Variants in SETBP1 observed in about 807,000 individuals in gnomAD.
SETBP1 encodes SET binding protein 1.
A neutral mutation model predicts 101.0 loss-of-function variants in SETBP1; 9 were observed. The ratio of observed to expected loss-of-function variants is 0.09; its 90% confidence interval spans 0.05 to 0.16. The LOEUF (loss-of-function observed/expected upper bound fraction) is 0.16, where lower values mean the gene tolerates loss of function less well. Ranked by LOEUF, SETBP1 falls within the 10% of genes least tolerant of loss-of-function variation. SETBP1 has a pLI of 1.00. For missense variants in SETBP1, 1,858 were observed against 2,033.8 expected (o/e 0.91, Z 1.66); for synonymous variants, 818 against 788.5 (o/e 1.04, Z -0.63).
At chr18:44,800,465 C>T (rs775335512) in intron 2 of SETBP1, among the ~76,000 whole-genome samples, 88 of 152,076 alleles carry the variant, frequency 5.8e-4, no homozygotes, top group Non-Finnish European at 1.2e-3. Flanking sequence ...AGCACGGATC[C>T]GACAATCAAA....
intron 4 of SETBP1, among the ~76,000 whole-genome samples, chr18:45,016,726 T>TGC (rs200216047): frequency 0.016 from 2,200 of 136,974 alleles, 74 homozygotes; most frequent in African/African-American, 0.052. Context: ...TACACATTGG[T>TGC]GCGCGCACAC....
At chr18:45,028,012 T>C (rs1286139581) in intron 4 of SETBP1, among the ~76,000 whole-genome samples, 1 of 152,032 alleles carries the variant, frequency 6.6e-6, no homozygotes, top group Admixed American at 6.6e-5. Context: ...TATTTTATTT[T>C]ATTTTATTAT....
At chr18:44,895,084 A>G (rs1163482697) in intron 3 of SETBP1, among the ~76,000 whole-genome samples, 2 of 147,330 alleles carry the variant, frequency 1.4e-5, no homozygotes, top group African/African-American at 2.5e-5. Context: ...ACTGCACTCC[A>G]GCCTGGGCAA....
chr18:44,893,986 T>G (rs2069832814), intron 3 of SETBP1, among the ~76,000 whole-genome samples: 1 of 152,110 alleles, frequency 6.6e-6, no homozygotes, highest in Non-Finnish European at 1.5e-5. Flanking sequence ...GACACTTTAG[T>G]TTTAAAACTC....
In SETBP1 at chr18:44,746,681, C is replaced by G. The variant is rs990803769; in HGVS notation, c.486+44849C>G. On this transcript the variant is annotated intron_variant, in intron 2 of 5. Transcript: ENST00000649279. ...TTGTGGATTAATGTATATTCTGACT[C>G]TTAACAATCAGGAACTATCAGTTTA... 3.9e-5 allele frequency among the ~76,000 whole-genome samples: 6 copies of G among 152,288 alleles called. No homozygotes were observed. In the South Asian group the frequency reaches 1.2e-3, roughly 32 times the overall value.
At chr18:44,754,693 C>G (rs542014876) in intron 2 of SETBP1, among the ~76,000 whole-genome samples, 1 of 152,156 alleles carries the variant, frequency 6.6e-6, no homozygotes, top group African/African-American at 2.4e-5. Flanking sequence ...TTATCTAAAC[C>G]GCTTAATAAA....
chr18:44,942,290 C>T (rs1210690294), intron 3 of SETBP1, among the ~76,000 whole-genome samples: 1 of 152,158 alleles, frequency 6.6e-6, no homozygotes, highest in African/African-American at 2.4e-5. Context: ...ACTATATGAC[C>T]TAAGGACTCT....
intron 2 of SETBP1, among the ~76,000 whole-genome samples, chr18:44,779,927 C>T (rs536417685): frequency 6.6e-6 from 1 of 151,800 alleles, no homozygotes; most frequent in East Asian, 1.9e-4. Context: ...CACACACACA[C>T]ACGCACGCAC....
At chr18:45,028,747 T>C (rs1248581953) in intron 4 of SETBP1, among the ~76,000 whole-genome samples, 2 of 152,250 alleles carry the variant, frequency 1.3e-5, no homozygotes, top group African/African-American at 4.8e-5. Flanking sequence ...TGATTTGCAT[T>C]TCTCTAATGG....
At chr18:44,970,528 C>A (rs1248858341) in intron 4 of SETBP1, among the ~76,000 whole-genome samples, 2 of 152,046 alleles carry the variant, frequency 1.3e-5, no homozygotes, top group Non-Finnish European at 2.9e-5. Flanking sequence ...TAGAATACAT[C>A]ACTGTTGGTA....
chr18:44,811,661 T>C (rs1223958642), intron 2 of SETBP1, among the ~76,000 whole-genome samples: 1 of 152,218 alleles, frequency 6.6e-6, no homozygotes, highest in East Asian at 1.9e-4. Flanking sequence ...CTATTTAAAG[T>C]TGCAGTTAAA....
intron 2 of SETBP1, among the ~76,000 whole-genome samples, chr18:44,794,660 AC>A (rs1372215298): frequency 3.9e-5 from 6 of 152,148 alleles, no homozygotes; most frequent in African/African-American, 1.4e-4. Context: ...TGTCGTTCTT[AC>A]CCAGTGCTGT....
intron 3 of SETBP1, among the ~76,000 whole-genome samples, chr18:44,929,048 G>T (rs1188094916): frequency 6.6e-6 from 1 of 152,102 alleles, no homozygotes; most frequent in East Asian, 1.9e-4. Flanking sequence ...TTCTTCTAGG[G>T]TTTTTATGGC....
At chr18:44,857,949 G>T (rs1299707321) in intron 2 of SETBP1, among the ~76,000 whole-genome samples, 1 of 152,128 alleles carries the variant, frequency 6.6e-6, no homozygotes, top group Non-Finnish European at 1.5e-5. Context: ...TTAGCAAATG[G>T]ATTGGTTGAG....
At chr18:44,992,974 T>C (rs541657357) in intron 4 of SETBP1, among the ~76,000 whole-genome samples, 35 of 152,052 alleles carry the variant, frequency 2.3e-4, no homozygotes, top group Non-Finnish European at 3.7e-4. Context: ...AACTATGATT[T>C]ACCTCAGGAA....
chr18:44,822,660 T>C (rs1200743825), intron 2 of SETBP1, among the ~76,000 whole-genome samples: 1 of 152,184 alleles, frequency 6.6e-6, no homozygotes, highest in Non-Finnish European at 1.5e-5. Flanking sequence ...CCGCTAAAGA[T>C]ACTGAACTGA....
Position 44,726,070 on chromosome 18 carries a change from C to T in SETBP1, c.486+24238C>T, listed in dbSNP as rs1165533065. On this transcript the variant is annotated intron_variant, in intron 2 of 5. Transcript: ENST00000649279. ...AGTAGATCTCTAAAAGATTCCTTCCCTCTGAAGTTTTTTGACTTTTAAGTT... is the reference window on the plus strand; with the variant it reads ...AGTAGATCTCTAAAAGATTCCTTCCTTCTGAAGTTTTTTGACTTTTAAGTT... Among the ~76,000 whole-genome samples the T allele has an allele frequency of 2.7e-5, 4 of 150,670 alleles. No individual in the cohort carries two copies. In the East Asian group the frequency reaches 7.8e-4, roughly 29 times the overall value.
chr18:44,897,026 A>G (rs2069921111), intron 3 of SETBP1, among the ~76,000 whole-genome samples: 1 of 151,856 alleles, frequency 6.6e-6, no homozygotes, highest in Admixed American at 6.6e-5. Flanking sequence ...GTATTGACTC[A>G]CTCCTGTTGA....
intron 2 of SETBP1, among the ~76,000 whole-genome samples, chr18:44,847,725 T>C (rs1726709863): frequency 1.3e-5 from 2 of 152,156 alleles, no homozygotes; most frequent in South Asian, 2.1e-4. Context: ...AGAAGGGAGA[T>C]ACACAATAAT....
Sources: gnomAD v4.1 joint callset for allele counts (sites outside exome capture counted in the v4.1 genomes callset) on GRCh38, gnomAD v4.1.1 for gene constraint, MANE v1.5 for transcripts, NCBI Gene and HGNC (gene_info 2026-07-23, HGNC 2026-07-21) for gene names.